Variants in KIF21B observed in about 807,000 individuals in gnomAD.
The protein encoded by KIF21B is kinesin family member 21B, also known as kinesin-like protein KIF21B.
In KIF21B, 85 loss-of-function variants were observed where a neutral mutation model predicts 192.9. The observed-to-expected ratio is 0.44, with a 90% CI of 0.37 to 0.53. KIF21B has a LOEUF of 0.53. KIF21B is among the 20% of genes least tolerant of loss of function. The pLI, the probability that KIF21B is intolerant of heterozygous loss-of-function variation, is 0.00. For missense variants in KIF21B, 1,716 were observed against 2,194.8 expected, an observed-to-expected ratio of 0.78 and a Z score of 4.36; for synonymous variants, 832 against 884.6, an observed-to-expected ratio of 0.94 and a Z score of 1.05.
At chr1:200,980,936 C>A in intron 29 of KIF21B, 24 bp downstream of exon 29, 1 of 1,605,092 alleles carries the variant, frequency 6.2e-7, no homozygotes, top group Non-Finnish European at 8.5e-7. Flanking sequence ...CCAACCCTAC[C>A]TGGCTAGTTG....
In KIF21B at chr1:200,988,893, C is replaced by T. The variant is rs1656487719; in HGVS notation, c.3171G>A (p.Leu1057=). ...CCGTCTGCCTCAGTCGGCCCTCCAA[C>T]AGCCGGATCTGGGCTTCCTTTTGTG... ...QVAQKEAQIR[L]LEGRLRQTDM... is the part of the protein sequence containing the mutation. The change falls in exon 22 of 35, where the codon CTG becomes CTA. Residue 1057 remains leucine (L), a synonymous_variant. Transcript: ENST00000461742. 2.5e-6 allele frequency: 4 copies of T among 1,612,732 alleles called. No homozygotes were observed. Among genetic ancestry groups the T allele is most frequent in the African/African-American group, 2.7e-5 (2 of 74,890 alleles).
intron 3 of KIF21B, 60 bp from the exon 4 acceptor site, chr1:201,005,754 C>T (rs1367369074): frequency 6.5e-7 from 1 of 1,544,720 alleles, no homozygotes; most frequent in African/African-American, 1.4e-5. Context: ...AGGTGGCTGC[C>T]ACATGCCTAT....
chr1:200,984,340 G>A (rs1427125469), intron 27 of KIF21B, among the ~76,000 whole-genome samples: 1 of 152,228 alleles, frequency 6.6e-6, no homozygotes, highest in Non-Finnish European at 1.5e-5. Flanking sequence ...CCTGAATGCA[G>A]GGGAGGCTGT....
chr1:200,980,598 G>A lies in KIF21B; in HGVS notation c.3979+362C>T, dbSNP rs140914276. Among the ~76,000 whole-genome samples the A allele has an allele frequency of 3.0e-4, 45 of 152,342 alleles. No homozygotes were observed. In the East Asian group the frequency reaches 4.8e-3, roughly 16 times the overall value. On this transcript the variant is annotated intron_variant, in intron 29 of 34. Transcript: ENST00000461742. The stretch of plus-strand genomic sequence containing the variant: ...ACTTTGTTGCTGTAATCAGGTGAGC[G>A]TGACTTTGTAAAGTGCTGCTGCTGA...
At chr1:201,014,383 G>C (rs1253051195) in intron 1 of KIF21B, among the ~76,000 whole-genome samples, 4 of 152,234 alleles carry the variant, frequency 2.6e-5, no homozygotes, top group East Asian at 3.9e-4. Context: ...TGAGCTCAGC[G>C]GATCCTCGGC....
At chr1:200,989,333 A>C (rs1016135629) in intron 21 of KIF21B, among the ~76,000 whole-genome samples, 1 of 152,166 alleles carries the variant, frequency 6.6e-6, no homozygotes, top group African/African-American at 2.4e-5. Flanking sequence ...AGCGGAGCTG[A>C]GAGGAGCTCA....
At chr1:200,983,784 C>A (rs188626091) in intron 27 of KIF21B, among the ~76,000 whole-genome samples, 4 of 152,202 alleles carry the variant, frequency 2.6e-5, no homozygotes, top group South Asian at 2.1e-4. Flanking sequence ...TGGCTCCCCC[C>A]ACAGCAGCCT....
rs907349123 is a variant in KIF21B at position 200,970,716 on chromosome 1, G to A, written c.*2805C>T. ...AGTGGGGCTTGACCCAGGAGACTGGGAATCAGTCCAAGCTCTTCAGGCTCA... is the reference window on the plus strand; with the variant it reads ...AGTGGGGCTTGACCCAGGAGACTGGAAATCAGTCCAAGCTCTTCAGGCTCA... On this transcript the variant is annotated 3_prime_UTR_variant, in exon 35 of 35. Transcript: ENST00000461742. The A allele has an allele frequency of 7.2e-5, 11 of 152,514 alleles. No homozygotes were observed. Among genetic ancestry groups the A allele is most frequent in the African/African-American group, 2.4e-4 (10 of 41,600 alleles). The allele number at this position is 152,514 out of a possible 1,614,324, so 9.4% of individuals were successfully genotyped here.
Position 201,009,795 on chromosome 1 carries a change from T to C in KIF21B, c.42-307A>G, listed in dbSNP as rs959193357. Among the ~76,000 whole-genome samples, 3 of 152,220 alleles carry C rather than the reference T, an allele frequency of 2.0e-5. No individual in the cohort carries two copies. In the South Asian group the frequency reaches 6.2e-4, roughly 32 times the overall value. ...ATAAACTTGTGAGGTACCTATTATT[T>C]GCCTAATTTTACAGATGAGAAAACT... On this transcript the variant is annotated intron_variant, in intron 1 of 34. Coordinates refer to ENST00000461742, the MANE Select transcript of KIF21B (RefSeq NM_001252102.2).
chr1:200,985,242 A>C (rs541724389), intron 26 of KIF21B, among the ~76,000 whole-genome samples: 5 of 152,240 alleles, frequency 3.3e-5, no homozygotes, highest in African/African-American at 1.2e-4. Flanking sequence ...AATCTCAGTA[A>C]ATTGAAAGGC....
Position 200,998,380 on chromosome 1 carries a change from T to C in KIF21B, c.2077+4A>G. On this transcript the variant is annotated splice_donor_region_variant and intron_variant, in intron 14 of 34. Coordinates refer to ENST00000461742, the MANE Select transcript of KIF21B (RefSeq NM_001252102.2). This position sits in a 1 kb window ranked among gnomAD's most constrained non-coding sequence, Gnocchi z 4.3. ...GGGGTGGAGGGGCATGGCGGTGGCC[T>C]CACTGAGGTTCTGCAGCACACGGTC... 1 of 1,608,280 alleles carries C rather than the reference T, an allele frequency of 6.2e-7. No individual in the cohort carries two copies.
rs773748276 is a variant in KIF21B at position 200,976,783 on chromosome 1, T to A, written c.4436A>T (p.Tyr1479Phe). 6.2e-7 allele frequency: 1 copy of A among 1,609,996 alleles called. No homozygotes were observed. Among genetic ancestry groups the A allele is most frequent in the East Asian group, 2.2e-5 (1 of 44,780 alleles). Residue 1479 changes from tyrosine to phenylalanine, a missense_variant, in exon 32 of 35, where the codon TAC (tyrosine) becomes TTC (phenylalanine). This residue lies in a region of KIF21B where 580 missense variants were observed against 775.5 expected (regional missense o/e 0.75). Transcript: ENST00000461742. ...GCCTCATAGCTGAGGTACCTTAACG[T>A]AGTGGTCCTTGGAGCCAGTCACCAC... ...DLVVTGSKDHYVKMFELGECV... is the reference protein window; with the variant it reads ...DLVVTGSKDHFVKMFELGECV...
intron 1 of KIF21B, among the ~76,000 whole-genome samples, chr1:201,022,529 C>T (rs1272112888): frequency 6.6e-6 from 1 of 152,202 alleles, no homozygotes; most frequent in Admixed American, 6.5e-5. Context: ...ATTTCCTGCT[C>T]CTGCACCTTT....
At chr1:201,008,582 C>T (rs528802879) in intron 3 of KIF21B, among the ~76,000 whole-genome samples, 187 bp downstream of exon 3, 2 of 152,310 alleles carry the variant, frequency 1.3e-5, no homozygotes, top group African/African-American at 4.8e-5. Flanking sequence ...GCAGGAACCC[C>T]TTTTGAGTGT....
chr1:201,007,017 G>GAC (rs150595221), intron 3 of KIF21B, among the ~76,000 whole-genome samples: 2 of 92,456 alleles, frequency 2.2e-5, no homozygotes, highest in Admixed American at 1.1e-4. Context: ...GAGACACACA[G>GAC]ACACACACAC....
intron 16 of KIF21B, 24 bp from the exon 17 acceptor site, chr1:200,991,749 G>A: frequency 6.2e-7 from 1 of 1,612,678 alleles, no homozygotes; most frequent in Non-Finnish European, 8.5e-7. Flanking sequence ...AAGAGGGCTG[G>A]GCTCCACACT....
At chr1:200,974,299 CG>C in intron 34 of KIF21B, 1 of 1,348,922 alleles carries the variant, frequency 7.4e-7, no homozygotes, top group Non-Finnish European at 1.0e-6. Context: ...CCATCTGAGT[CG>C]CACCCCATGG....
Position 200,990,438 on chromosome 1 carries a change from A to G in KIF21B, c.2836-106T>C. The G allele has an allele frequency of 6.8e-7, 1 of 1,466,792 alleles. No homozygotes were observed. The highest frequency in any genetic ancestry group is 9.3e-7 in the Non-Finnish European group (1 of 1,077,484). 90.9% of individuals were successfully genotyped at this position (1,466,792 alleles called of 1,614,324 possible). ...ACAGGCTGGCCTGTGAGGTCCCCCCAGCACCTCTGGATTCCAGAGCAGGCA... is the reference window on the plus strand; with the variant it reads ...ACAGGCTGGCCTGTGAGGTCCCCCCGGCACCTCTGGATTCCAGAGCAGGCA... On this transcript the variant is annotated intron_variant, in intron 19 of 34. Transcript: ENST00000461742. The surrounding 1 kb of genome is among the most constrained non-coding windows in gnomAD (Gnocchi z 5.4).
intron 22 of KIF21B, 102 bp downstream of exon 22, chr1:200,988,664 G>T: frequency 6.7e-7 from 1 of 1,491,270 alleles, no homozygotes; most frequent in Non-Finnish European, 9.1e-7. Flanking sequence ...TCCTGGTGGG[G>T]GTTAGGGGTG....
Sources: gnomAD v4.1 joint callset for allele counts (sites outside exome capture counted in the v4.1 genomes callset) on GRCh38, gnomAD v4.1.1 for gene constraint, gnomAD v4.1.1 regional missense constraint, Gnocchi (gnomAD v3.1) non-coding constraint, MANE v1.5 for transcripts, NCBI Gene and HGNC (gene_info 2026-07-23, HGNC 2026-07-21) for gene names.